The following RGP1 variants were observed in gnomAD, a reference collection of about 807,000 sequenced individuals.
RGP1 encodes the protein RGP1 partner of RAB6A GEF complex.
A neutral mutation model predicts 44.5 loss-of-function variants in RGP1; 28 were observed. That is an observed-to-expected ratio of 0.63 (90% confidence interval 0.47 to 0.86). The LOEUF is 0.86. RGP1 is among the 40% of genes least tolerant of loss of function. The pLI is 0.00. For synonymous variants in RGP1, 212 were observed against 196.7 expected (o/e 1.08, Z -0.65); for missense variants, 417 against 490.7 (o/e 0.85, Z 1.42).
chr9:35,760,077 A>G (rs1827405884), downstream of RGP1, among the ~76,000 whole-genome samples: 1 of 152,056 alleles, frequency 6.6e-6, no homozygotes. Context: ...CTTGTTGCCC[A>G]TACTTACTTT....
At chr9:35,751,495 C>T (rs1827264059) in intron 6 of RGP1, 83 bp downstream of exon 6, 1 of 1,596,808 alleles carries the variant, frequency 6.3e-7, no homozygotes, top group South Asian at 1.1e-5. Flanking sequence ...AACCACCACA[C>T]ACTTCTGTGG....
At chr9:35,751,790 G>T in intron 7 of RGP1, 36 bp downstream of exon 7, 3 of 1,613,386 alleles carry the variant, frequency 1.9e-6, no homozygotes, top group Non-Finnish European at 2.5e-6. Flanking sequence ...CTGCTGGGGT[G>T]CTGGGGTTGA....
At chr9:35,765,835 CTTT>C in the RGP1 span, among the ~76,000 whole-genome samples, 4 of 138,672 alleles carry the variant, frequency 2.9e-5, no homozygotes, top group Non-Finnish European at 1.6e-5. Flanking sequence ...TTCTTTCTTT[CTTT>C]TTTTTTTTTT....
the RGP1 span, among the ~76,000 whole-genome samples, chr9:35,765,711 A>G: frequency 2.0e-5 from 3 of 152,168 alleles, no homozygotes; most frequent in Non-Finnish European, 4.4e-5. Context: ...AATTTTTAAA[A>G]AAGAGAAGTG....
chr9:35,778,125 C>A, the RGP1 span, among the ~76,000 whole-genome samples: 1 of 152,026 alleles, frequency 6.6e-6, no homozygotes, highest in Non-Finnish European at 1.5e-5. Context: ...CATGGAGAAA[C>A]CCCGTCTCTA....
Position 35,751,710 on chromosome 9 carries a change from G to A in RGP1, c.718G>A (p.Val240Met). ...TGTGTACAGACTTGGCGAGGACGTGGTGGGGACCTTAAACTTAGGGGAAGG... is the reference window on the plus strand; with the variant it reads ...TGTGTACAGACTTGGCGAGGACGTGATGGGGACCTTAAACTTAGGGGAAGG... ...KSVYRLGEDV[V>M]GTLNLGEGTV... The change falls in exon 7 of 9, where the codon GTG (valine) becomes ATG (methionine). Residue 240 changes from valine to methionine, a missense_variant. Val to Met is a conservative substitution (Grantham distance 21). Transcript: ENST00000378078. The A allele has an allele frequency of 1.9e-6, 3 of 1,613,998 alleles. No individual in the cohort carries two copies. Among genetic ancestry groups the A allele is most frequent in the Non-Finnish European group, 2.5e-6 (3 of 1,179,894 alleles).
In RGP1 at chr9:35,751,373, G is replaced by A; in HGVS notation, c.595G>A (p.Gly199Arg). 1 of 1,613,972 alleles carries A rather than the reference G, an allele frequency of 6.2e-7. No individual in the cohort carries two copies. ...AGATTCATGGCTAGCTGAGCTGGCT[G>A]GGGAACGCCTAATGGCTGCCACATC... ...KKDSWLAELA[G>R]ERLMAATSCR... The change falls in exon 6 of 9, where the codon GGG becomes AGG. Residue 199 changes from glycine to arginine, a missense_variant. Transcript: ENST00000378078.
At chr9:35,788,309 C>A in the RGP1 span, among the ~76,000 whole-genome samples, 1 of 152,222 alleles carries the variant, frequency 6.6e-6, no homozygotes, top group Non-Finnish European at 1.5e-5. Flanking sequence ...TGGCTTACGC[C>A]TGTAATCCCA....
chr9:35,754,074 C>T lies in RGP1; in HGVS notation c.*1200C>T. ...TAGAGACATCACCAAGCAGATGATC[C>T]CCCAGCCTCCTAGGATCCCCTTGGC... On this transcript the variant is annotated 3_prime_UTR_variant, in exon 9 of 9. Coordinates refer to ENST00000378078, the MANE Select transcript of RGP1 (RefSeq NM_001080496.3). 1.9e-6 allele frequency: 3 copies of T among 1,613,572 alleles called. No homozygotes were observed. The highest frequency in any genetic ancestry group is 1.7e-6 in the Non-Finnish European group (2 of 1,179,720).
chr9:35,751,649 C>T lies in RGP1; in HGVS notation c.657C>T (p.Gly219=), dbSNP rs777882857. The change falls in exon 7 of 9, where the codon GGC becomes GGT. Residue 219 remains glycine (G), a synonymous_variant. Transcript: ENST00000378078. The part of the protein sequence containing the change: ...RSLHLYNISD[G]RGKVGTFGIF... ...CAGATCTATACAATATCAGTGATGG[C>T]CGAGGGAAAGTTGGGACGTTTGGCA... 1.2e-6 allele frequency: 2 copies of T among 1,613,888 alleles called. No homozygotes were observed. The highest frequency in any genetic ancestry group is 2.2e-5 in the South Asian group (2 of 91,080).
At chr9:35,750,016 A>G in intron 2 of RGP1, 145 bp downstream of exon 2, 1 of 868,498 alleles carries the variant, frequency 1.2e-6, no homozygotes, top group Non-Finnish European at 1.8e-6. Flanking sequence ...GCTCTTTAAC[A>G]GAAGATGTGG....
chr9:35,773,990 C>G, the RGP1 span, among the ~76,000 whole-genome samples: 8 of 152,116 alleles, frequency 5.3e-5, no homozygotes. Context: ...TTCTGAAGAT[C>G]TTTTTATATG....
chr9:35,762,630 G>A (rs1827428098), downstream of RGP1, among the ~76,000 whole-genome samples: 1 of 152,176 alleles, frequency 6.6e-6, no homozygotes, highest in Admixed American at 6.5e-5. Context: ...TGATAATAGA[G>A]TTGATAGTAA....
Position 35,750,099 on chromosome 9 carries a change from A to G in RGP1, c.117-144A>G, listed in dbSNP as rs537825365. On this transcript the variant is annotated intron_variant, in intron 2 of 8. Coordinates refer to ENST00000378078, the MANE Select transcript of RGP1 (RefSeq NM_001080496.3). ...CGCACAGTCTGCTACTCTTTATTTA[A>G]TGGTTTCTCTTTGGGATTGTGGATT... 51 of 1,249,572 alleles carry G rather than the reference A, an allele frequency of 4.1e-5. No individual in the cohort carries two copies. The African/African-American group carries it at 5.1e-4, about 13-fold the overall frequency. The allele number at this position is 1,249,572 out of a possible 1,614,324, so 77.4% of individuals were successfully genotyped here.
the RGP1 span, among the ~76,000 whole-genome samples, chr9:35,763,953 AAG>A: frequency 1.2e-4 from 18 of 151,558 alleles, no homozygotes; most frequent in South Asian, 3.1e-3. Context: ...TAACTCTGAT[AAG>A]AGAGATTGAG....
the RGP1 span, among the ~76,000 whole-genome samples, chr9:35,789,023 C>CCTTT: frequency 6.6e-6 from 1 of 151,886 alleles, no homozygotes; most frequent in Non-Finnish European, 1.5e-5. Flanking sequence ...GTTTTCTTTT[C>CCTTT]CTTTCTTTCT....
chr9:35,754,174 C>A lies in RGP1; in HGVS notation c.*1300C>A. On this transcript the variant is annotated 3_prime_UTR_variant, in exon 9 of 9. Transcript: ENST00000378078. ...CAGACCCTTCTTGGCCTCTGCTCAG[C>A]TACTCTGGTCTTGACTCCTTGACTT... 6.3e-7 allele frequency: 1 copy of A among 1,581,472 alleles called. No homozygotes were observed. The highest frequency in any genetic ancestry group is 1.1e-5 in the South Asian group (1 of 87,722).
chr9:35,761,823 A>G (rs1029803301), downstream of RGP1, among the ~76,000 whole-genome samples: 15 of 152,186 alleles, frequency 9.9e-5, no homozygotes, highest in African/African-American at 3.6e-4. Context: ...TTAAAGCCAC[A>G]AATAAATGAA....
intron 8 of RGP1, 148 bp downstream of exon 8, chr9:35,752,293 A>G (rs1018490350): frequency 4.4e-5 from 36 of 818,232 alleles, no homozygotes; most frequent in East Asian, 1.4e-4. Context: ...CAGACCTTCA[A>G]CCTCTTCCTG....
Sources: allele counts gnomAD v4.1 joint callset (sites outside exome capture counted in the v4.1 genomes callset), GRCh38; gene constraint gnomAD v4.1.1; transcripts MANE v1.5; gene names NCBI Gene and HGNC (gene_info 2026-07-23, HGNC 2026-07-21).